UPP2: variants seen among roughly 807,000 people sequenced by gnomAD.
UPP2 encodes UPase 2.
A neutral mutation model predicts 26.7 loss-of-function variants in UPP2; 23 were observed. That is an observed-to-expected ratio of 0.86 (90% confidence interval 0.62 to 1.22). The LOEUF (loss-of-function observed/expected upper bound fraction) is 1.22, where lower values mean the gene tolerates loss of function less well. UPP2 is among the 50% of genes most tolerant of loss of function. UPP2 has a pLI of 0.00. For synonymous variants in UPP2, 127 were observed against 141.3 expected (o/e 0.90, Z 0.72); for missense variants, 387 against 396.7 (o/e 0.98, Z 0.21).
intron 3 of UPP2, among the ~76,000 whole-genome samples, chr2:158,061,620 G>A (rs1272996927): frequency 6.6e-6 from 1 of 152,182 alleles, no homozygotes; most frequent in African/African-American, 2.4e-5. Flanking sequence ...GGCACAGGGG[G>A]CGGGGCCACC....
intron 3 of UPP2, among the ~76,000 whole-genome samples, chr2:158,052,585 C>T (rs1179343827): frequency 6.6e-6 from 1 of 152,162 alleles, no homozygotes. Context: ...TTAGGAGTGA[C>T]ATTGGTTGCC....
chr2:158,102,525 T>G (rs543733605), intron 1 of UPP2, among the ~76,000 whole-genome samples: 1 of 152,264 alleles, frequency 6.6e-6, no homozygotes, highest in Non-Finnish European at 1.5e-5. Flanking sequence ...GGTTTAATTG[T>G]ATTGCAGGAT....
chr2:158,037,656 C>T (rs1349547302), intron 3 of UPP2, among the ~76,000 whole-genome samples: 1 of 152,116 alleles, frequency 6.6e-6, no homozygotes, highest in Non-Finnish European at 1.5e-5. Flanking sequence ...GGTCCATCTT[C>T]CATGGTGTTC....
At chr2:158,059,409 T>C (rs1201672781) in intron 3 of UPP2, among the ~76,000 whole-genome samples, 1 of 152,248 alleles carries the variant, frequency 6.6e-6, no homozygotes, top group East Asian at 1.9e-4. Flanking sequence ...TGCACATCCA[T>C]TCTGTCATTG....
intron 2 of UPP2, among the ~76,000 whole-genome samples, chr2:158,001,069 G>C (rs908880884): frequency 2.6e-5 from 4 of 152,196 alleles, no homozygotes; most frequent in African/African-American, 9.6e-5. Context: ...TCTGTGCCAA[G>C]AGTTGCTTGA....
At chr2:158,103,855 A>T (rs558604773) in intron 1 of UPP2, among the ~76,000 whole-genome samples, 1 of 152,188 alleles carries the variant, frequency 6.6e-6, no homozygotes, top group African/African-American at 2.4e-5. Flanking sequence ...ACTAGGGATA[A>T]ATTCTTGCCT....
chr2:158,024,253 T>C (rs1574250511), intron 3 of UPP2, among the ~76,000 whole-genome samples: 1 of 152,272 alleles, frequency 6.6e-6, no homozygotes, highest in Non-Finnish European at 1.5e-5. Context: ...CCTGGGAGGT[T>C]ATCTCTTCTC....
chr2:158,020,636 G>A (rs955227768), intron 3 of UPP2, among the ~76,000 whole-genome samples: 1 of 152,202 alleles, frequency 6.6e-6, no homozygotes. Flanking sequence ...GCTGAAGCAG[G>A]GATGGAAATC....
At chr2:158,031,209 T>C (rs1394734350) in intron 3 of UPP2, among the ~76,000 whole-genome samples, 1 of 152,198 alleles carries the variant, frequency 6.6e-6, no homozygotes, top group Non-Finnish European at 1.5e-5. Flanking sequence ...TCCTCCTTCA[T>C]TAGTTGTAGA....
Position 158,121,552 on chromosome 2 carries a change from A to T in UPP2, c.598A>T (p.Ser200Cys), listed in dbSNP as rs745513183. 1 of 1,613,590 alleles carries T rather than the reference A, an allele frequency of 6.2e-7. No individual in the cohort carries two copies. Among genetic ancestry groups the T allele is most frequent in the Non-Finnish European group, 8.5e-7 (1 of 1,179,530 alleles). The change falls in exon 5 of 7, where the codon AGC becomes TGC. Residue 200 changes from serine (S) to cysteine (C), a missense_variant. Physicochemically the swap from Ser to Cys is moderately radical, Grantham distance 112. Coordinates refer to ENST00000005756, the MANE Select transcript of UPP2 (RefSeq NM_173355.4). ...KELSEELFNCSKEIPNFPTLV... is the reference protein window; with the variant it reads ...KELSEELFNCCKEIPNFPTLV... The stretch of plus-strand genomic sequence containing the variant: ...ACTGTCTGAAGAACTGTTCAACTGT[A>T]GCAAAGAAATCCCCAACTTCCCAAC...
intron 3 of UPP2, among the ~76,000 whole-genome samples, chr2:158,083,109 G>C (rs1682753897): frequency 6.6e-6 from 1 of 152,208 alleles, no homozygotes; most frequent in Non-Finnish European, 1.5e-5. Context: ...CTGTTGGTGG[G>C]AGTGTAAATT....
chr2:158,104,647 C>T (rs1446795792), intron 1 of UPP2, among the ~76,000 whole-genome samples: 1 of 152,076 alleles, frequency 6.6e-6, no homozygotes, highest in Non-Finnish European at 1.5e-5. Context: ...AAAGGCTAGG[C>T]ATGATGGCTC....
chr2:158,025,798 G>A (rs1342495953), intron 3 of UPP2, among the ~76,000 whole-genome samples: 1 of 152,230 alleles, frequency 6.6e-6, no homozygotes, highest in East Asian at 1.9e-4. Context: ...TCACACGGAA[G>A]ACATCCTCTG....
intron 3 of UPP2, among the ~76,000 whole-genome samples, chr2:158,038,542 T>C (rs1684037453): frequency 1.3e-5 from 2 of 152,270 alleles, no homozygotes; most frequent in Non-Finnish European, 1.5e-5. Context: ...AGACAGCTAA[T>C]ATTTTTTTCC....
intron 3 of UPP2, among the ~76,000 whole-genome samples, chr2:158,040,945 C>T (rs1684074443): frequency 6.6e-6 from 1 of 152,160 alleles, no homozygotes; most frequent in Admixed American, 6.6e-5. Flanking sequence ...AGAATAATTG[C>T]ATTGCCTATG....
At chr2:158,013,806 G>A (rs1013869409) in intron 2 of UPP2, among the ~76,000 whole-genome samples, 1 of 152,214 alleles carries the variant, frequency 6.6e-6, no homozygotes, top group African/African-American at 2.4e-5. Flanking sequence ...ACATGCAGAT[G>A]AAGGAAAGAA....
At chr2:158,043,047 A>G (rs1299438087) in intron 3 of UPP2, among the ~76,000 whole-genome samples, 1 of 152,234 alleles carries the variant, frequency 6.6e-6, no homozygotes, top group Non-Finnish European at 1.5e-5. Context: ...CTTTTCATTT[A>G]GGAGCAGGAA....
At chr2:158,070,432 T>C (rs2105186505) in intron 3 of UPP2, among the ~76,000 whole-genome samples, 1 of 152,318 alleles carries the variant, frequency 6.6e-6, no homozygotes, top group South Asian at 2.1e-4. Context: ...CCAACCTCAT[T>C]TAATAGATAA....
intron 5 of UPP2, among the ~76,000 whole-genome samples, chr2:158,122,739 G>A (rs1460178752): frequency 6.7e-6 from 1 of 149,244 alleles, no homozygotes; most frequent in Non-Finnish European, 1.5e-5. Context: ...TGACAGCCTT[G>A]ACAAGCCCTG....
Sources: gnomAD v4.1 joint callset for allele counts (sites outside exome capture counted in the v4.1 genomes callset) on GRCh38, gnomAD v4.1.1 for gene constraint, MANE v1.5 for transcripts, NCBI Gene and HGNC (gene_info 2026-07-23, HGNC 2026-07-21) for gene names.